The following THSD7B variants were observed in gnomAD, a reference collection of about 807,000 sequenced individuals.
THSD7B encodes the protein thrombospondin type-1 domain-containing protein 7B.
A neutral mutation model predicts 213.6 loss-of-function variants in THSD7B; 138 were observed. The ratio of observed to expected loss-of-function variants is 0.65; its 90% CI spans 0.56 to 0.74. THSD7B has a LOEUF of 0.74. THSD7B is among the 30% of genes least tolerant of loss of function. THSD7B has a pLI of 0.00. For missense variants in THSD7B, 1,931 were observed against 1,991.5 expected (o/e 0.97, Z 0.58); for synonymous variants, 742 against 687.0 (o/e 1.08, Z -1.25).
In THSD7B at chr2:137,208,415, A is replaced by G. The variant is rs111394567; in HGVS notation, c.1724-22629A>G. 3.4e-3 allele frequency among the ~76,000 whole-genome samples: 486 copies of G among 141,068 alleles called. 1 individual carries two copies. Among genetic ancestry groups the G allele is most frequent in the Non-Finnish European group, 4.4e-3 (287 of 65,196 alleles). The allele number at this position is 141,068 out of a possible 152,430, so 92.5% of individuals were successfully genotyped here. A position where few individuals can be genotyped will look rare whatever the true frequency, so the allele number is the denominator to read the frequency against. ...CCCACAGTAAAATTTGTTTAATCCT[A>G]AACGGGTCCTGTTAAGAATTCCTTT... On this transcript the variant is annotated intron_variant, in intron 7 of 27. Coordinates refer to ENST00000409968, the MANE Select transcript of THSD7B (RefSeq NM_001316349.2).
intron 2 of THSD7B, among the ~76,000 whole-genome samples, chr2:137,006,557 A>G (rs1346710255): frequency 1.3e-5 from 2 of 152,174 alleles, no homozygotes; most frequent in African/African-American, 4.8e-5. Flanking sequence ...TTGCTTGACA[A>G]GTCTCTTCTA....
intron 7 of THSD7B, among the ~76,000 whole-genome samples, chr2:137,230,438 G>A (rs2105053775): frequency 6.6e-6 from 1 of 152,186 alleles, no homozygotes; most frequent in Admixed American, 6.5e-5. Flanking sequence ...ATTATTCAAG[G>A]GGGAATATTA....
chr2:137,218,505 A>AGGT (rs1681297346), intron 7 of THSD7B, among the ~76,000 whole-genome samples: 1 of 150,756 alleles, frequency 6.6e-6, no homozygotes, highest in Admixed American at 6.6e-5. Context: ...AATAACTGGT[A>AGGT]GGTGAGTTTG....
chr2:137,205,978 G>T (rs545255208), intron 7 of THSD7B, among the ~76,000 whole-genome samples: 6 of 151,064 alleles, frequency 4.0e-5, no homozygotes, highest in Admixed American at 2.6e-4. Context: ...TATTACTAAA[G>T]TATATTCACA....
At position 137,083,995 on chromosome 2, in the gene THSD7B, T is replaced by C. The variant is rs74387695; in HGVS notation, c.951-10878T>C. Among the ~76,000 whole-genome samples, 268 of 152,284 alleles carry C rather than the reference T, an allele frequency of 1.8e-3. 5 individuals carry two copies. The East Asian group carries it at 0.048, about 27-fold the overall frequency. On this transcript the variant is annotated intron_variant, in intron 3 of 27. Transcript: ENST00000409968. ...AGTATTATGTTCTATAAACAAATAT[T>C]ACATAATTTAGAACAAAATTAGTAG...
At chr2:136,929,807 T>G (rs1167172212) in intron 2 of THSD7B, among the ~76,000 whole-genome samples, 1 of 152,188 alleles carries the variant, frequency 6.6e-6, no homozygotes, top group Non-Finnish European at 1.5e-5. Flanking sequence ...TGTAAACATG[T>G]GTGAATTTCC....
chr2:137,602,608 A>C (rs1334014307), intron 17 of THSD7B, among the ~76,000 whole-genome samples: 1 of 152,162 alleles, frequency 6.6e-6, no homozygotes, highest in Non-Finnish European at 1.5e-5. Context: ...TTCAATATCA[A>C]GATGCCAGCA....
chr2:137,104,648 G>T (rs1020002186), intron 4 of THSD7B, among the ~76,000 whole-genome samples: 5 of 152,030 alleles, frequency 3.3e-5, no homozygotes, highest in African/African-American at 7.2e-5. Context: ...TTAACAAAAT[G>T]ATAGACGGCT....
At chr2:136,927,860 G>A (rs1276996113) in intron 2 of THSD7B, among the ~76,000 whole-genome samples, 2 of 152,154 alleles carry the variant, frequency 1.3e-5, no homozygotes, top group African/African-American at 2.4e-5. Flanking sequence ...GCTTCCTAAC[G>A]GAGGGTCAGC....
At chr2:136,977,421 G>T (rs917454958) in intron 2 of THSD7B, among the ~76,000 whole-genome samples, 1 of 139,586 alleles carries the variant, frequency 7.2e-6, no homozygotes, top group African/African-American at 2.6e-5. Flanking sequence ...TTCTGGGTTT[G>T]TTGATTTTTT....
intron 5 of THSD7B, among the ~76,000 whole-genome samples, chr2:137,121,661 T>A (rs1688549167): frequency 6.6e-6 from 1 of 152,218 alleles, no homozygotes; most frequent in African/African-American, 2.4e-5. Context: ...ACTATTATTA[T>A]AATAGTCTTT....
At chr2:137,311,092 G>A (rs892480293) in intron 12 of THSD7B, among the ~76,000 whole-genome samples, 22 of 150,892 alleles carry the variant, frequency 1.5e-4, no homozygotes, top group African/African-American at 5.4e-4. Context: ...AAATTACCTT[G>A]GGCAGTATGG....
intron 20 of THSD7B, among the ~76,000 whole-genome samples, chr2:137,625,405 C>CCT: frequency 6.6e-6 from 1 of 151,278 alleles, no homozygotes; most frequent in Non-Finnish European, 1.5e-5. Context: ...AGCACACCAA[C>CCT]ATGACACATG....
chr2:137,507,537 T>C (rs1679864209), intron 15 of THSD7B, among the ~76,000 whole-genome samples: 1 of 152,144 alleles, frequency 6.6e-6, no homozygotes, highest in Non-Finnish European at 1.5e-5. Context: ...AAATCCCCGC[T>C]TCCTCCTTTG....
At chr2:137,092,917 C>T (rs1208766290) in intron 3 of THSD7B, among the ~76,000 whole-genome samples, 7 of 152,214 alleles carry the variant, frequency 4.6e-5, no homozygotes, top group African/African-American at 9.6e-5. Context: ...GGATTATAGG[C>T]GTAAGCCACT....
intron 15 of THSD7B, among the ~76,000 whole-genome samples, chr2:137,461,775 C>T (rs1173005200): frequency 2.0e-5 from 3 of 152,082 alleles, no homozygotes; most frequent in Admixed American, 2.0e-4. Context: ...GAGACATGCT[C>T]AAATAACCAT....
Position 137,479,418 on chromosome 2 carries a change from G to A in THSD7B, c.3138+28395G>A, listed in dbSNP as rs187436339. 4 of 317,338 alleles carry A rather than the reference G, an allele frequency of 1.3e-5. No homozygotes were observed. The East Asian group carries it at 4.3e-4, about 34-fold the overall frequency. The allele number at this position is 317,338 out of a possible 1,614,324, so 19.7% of individuals were successfully genotyped here. On this transcript the variant is annotated intron_variant, in intron 15 of 27. Coordinates refer to ENST00000409968, the MANE Select transcript of THSD7B (RefSeq NM_001316349.2). The stretch of plus-strand genomic sequence containing the variant: ...GCCTGTCCTCTGGCTTCCCAGTGGT[G>A]CATGCAGGTGCTGGCTGTGGCAGAC...
At chr2:137,377,868 A>C (rs1001165148) in intron 12 of THSD7B, among the ~76,000 whole-genome samples, 1 of 151,830 alleles carries the variant, frequency 6.6e-6, no homozygotes, top group African/African-American at 2.4e-5. Context: ...CTCGTGATCC[A>C]CCCGCCTCAG....
rs141647894 is a variant in THSD7B at position 137,015,475 on chromosome 2, G to A, written c.140-40945G>A. ...ACCCCCATTGTCCCAGCAGCTTTCT[G>A]CTGCTCCAGAGTCATGCATGGAATT... On this transcript the variant is annotated intron_variant, in intron 2 of 27. Coordinates refer to ENST00000409968, the MANE Select transcript of THSD7B (RefSeq NM_001316349.2). Among the ~76,000 whole-genome samples the A allele has an allele frequency of 4.6e-3, 697 of 152,228 alleles. 6 individuals carry two copies. The highest frequency in any genetic ancestry group is 0.015 in the African/African-American group (638 of 41,552).
Sources: gnomAD v4.1 joint callset for allele counts (sites outside exome capture counted in the v4.1 genomes callset) on GRCh38, gnomAD v4.1.1 for gene constraint, MANE v1.5 for transcripts, NCBI Gene and HGNC (gene_info 2026-07-23, HGNC 2026-07-21) for gene names.